IDO2: variants seen among roughly 807,000 people sequenced by gnomAD.
The protein encoded by IDO2 is indoleamine 2,3-dioxygenase 2.
A neutral mutation model predicts 45.1 loss-of-function variants in IDO2; 46 were observed. The ratio of observed to expected loss-of-function variants is 1.02; its 90% confidence interval spans 0.80 to 1.30. The LOEUF (loss-of-function observed/expected upper bound fraction) is 1.30, where lower values mean the gene tolerates loss of function less well. IDO2 is among the 50% of genes most tolerant of loss of function. The pLI is 0.00. For missense variants in IDO2, 544 were observed against 491.8 expected, an observed-to-expected ratio of 1.11 and a Z score of -1.00; for synonymous variants, 218 against 184.9, an observed-to-expected ratio of 1.18 and a Z score of -1.45.
At chr8:39,935,082 A>G (rs971275093) in exon 1 of IDO2, 5 of 919,978 alleles carry the variant, frequency 5.4e-6, no homozygotes, top group East Asian at 4.8e-5. Flanking sequence ...GGATTGGATT[A>G]GATTTGACAT....
chr8:39,969,535 T>G (rs938821360), intron 3 of IDO2, among the ~76,000 whole-genome samples: 8 of 152,162 alleles, frequency 5.3e-5, no homozygotes, highest in African/African-American at 1.4e-4. Flanking sequence ...TACAATGGCC[T>G]CTAAGTGTTC....
At chr8:39,985,571 A>C in intron 6 of IDO2, 49 bp downstream of exon 6, 1 of 1,455,456 alleles carries the variant, frequency 6.9e-7, no homozygotes, top group African/African-American at 1.4e-5. Context: ...GGCCAAATTT[A>C]AAATCTTACA....
intron 1 of IDO2, among the ~76,000 whole-genome samples, chr8:39,941,591 GAA>G (rs1247469750): frequency 1.3e-5 from 2 of 152,096 alleles, no homozygotes; most frequent in Non-Finnish European, 2.9e-5. Context: ...TTGGGAACAA[GAA>G]AAGTCAAGAT....
At chr8:40,005,359 A>G (rs1802204904) in exon 9 of IDO2, 1 of 1,582,028 alleles carries the variant, frequency 6.3e-7, no homozygotes, top group East Asian at 2.2e-5. Context: ...TTATGCAGGC[A>G]TCCGGATCTT....
At chr8:39,954,285 GAGGA>G (rs1302216119) in intron 2 of IDO2, among the ~76,000 whole-genome samples, 1 of 152,168 alleles carries the variant, frequency 6.6e-6, no homozygotes, top group Admixed American at 6.6e-5. Context: ...TCTCTGAGAT[GAGGA>G]CCCCCTATTC....
intron 1 of IDO2, among the ~76,000 whole-genome samples, chr8:39,941,221 C>CAAAAAAAAAAAAAAAAAAAAA: frequency 1.2e-5 from 1 of 80,586 alleles, no homozygotes; most frequent in Non-Finnish European, 2.1e-5. Flanking sequence ...GACTCCATCT[C>CAAAAAAAAAAAAAAAAAAAAA]AAAAAAAAAA....
chr8:39,971,626 G>A (rs1808181229), intron 3 of IDO2, among the ~76,000 whole-genome samples: 1 of 152,118 alleles, frequency 6.6e-6, no homozygotes, highest in South Asian at 2.1e-4. Context: ...GATTCATGGA[G>A]GACGTCAAAA....
chr8:39,937,996 G>A (rs574586724), intron 1 of IDO2, among the ~76,000 whole-genome samples: 3 of 152,276 alleles, frequency 2.0e-5, no homozygotes, highest in South Asian at 4.1e-4. Context: ...AATGTAAAAT[G>A]TGTATTTTAT....
At chr8:39,962,178 C>G (rs1489045938) in intron 2 of IDO2, among the ~76,000 whole-genome samples, 5 of 152,264 alleles carry the variant, frequency 3.3e-5, no homozygotes, top group African/African-American at 9.6e-5. Flanking sequence ...AAACCACAGG[C>G]CTAGAGTGGG....
chr8:39,990,894 T>C (rs1440870654), intron 8 of IDO2, among the ~76,000 whole-genome samples: 6 of 152,228 alleles, frequency 3.9e-5, no homozygotes. Context: ...GCTCTTCAAA[T>C]TCTTCTCTCA....
intron 3 of IDO2, among the ~76,000 whole-genome samples, chr8:39,968,618 C>A (rs533481698): frequency 7.9e-5 from 12 of 152,068 alleles, no homozygotes; most frequent in African/African-American, 2.4e-4. Flanking sequence ...GAACAGAACA[C>A]CAAACACCGC....
exon 10 of IDO2, chr8:40,013,658 C>T: frequency 1.2e-6 from 2 of 1,613,858 alleles, no homozygotes; most frequent in African/African-American, 1.3e-5. Flanking sequence ...CAGCTCAGAG[C>T]ACAGTGCTTC....
At chr8:39,995,245 C>CTTCTTCTTCTTCTTCTTCTTCTTCTTCTT (rs1563438285) in intron 8 of IDO2, 1 of 68,750 alleles carries the variant, frequency 1.5e-5, no homozygotes, top group Non-Finnish European at 3.2e-5. Flanking sequence ...TTCTCCTTCT[C>CTTCTTCTTCTTCTTCTTCTTCTTCTTCTT]CTTCTCCTTC....
At chr8:39,970,764 CTTTTTTTTTT>C (rs766122277) in intron 3 of IDO2, among the ~76,000 whole-genome samples, 1 of 112,446 alleles carries the variant, frequency 8.9e-6, no homozygotes, top group Non-Finnish European at 1.8e-5. Context: ...CCAACCAGGA[CTTTTTTTTTT>C]TTTTTTTTTT....
chr8:39,939,242 C>CAAAAAAAA (rs57921420), intron 1 of IDO2, among the ~76,000 whole-genome samples: 1 of 117,600 alleles, frequency 8.5e-6, no homozygotes, highest in Non-Finnish European at 1.8e-5. Context: ...GACTCCATCT[C>CAAAAAAAA]AAAAAAAAAA....
chr8:39,947,070 C>T (rs1003169586), intron 1 of IDO2, among the ~76,000 whole-genome samples: 8 of 149,780 alleles, frequency 5.3e-5, no homozygotes, highest in Non-Finnish European at 1.2e-4. Context: ...GCAGGATAAT[C>T]GCTCGAACCT....
chr8:39,938,812 A>T (rs1464250208), intron 1 of IDO2, among the ~76,000 whole-genome samples: 1 of 152,260 alleles, frequency 6.6e-6, no homozygotes, highest in Admixed American at 6.5e-5. Flanking sequence ...GAAGAAACAC[A>T]GTGGCAAGCA....
At chr8:40,011,268 G>A (rs1191728629) in intron 9 of IDO2, among the ~76,000 whole-genome samples, 1 of 152,212 alleles carries the variant, frequency 6.6e-6, no homozygotes, top group African/African-American at 2.4e-5. Context: ...GGAATTGAGA[G>A]CAGTGAGCAG....
At chr8:39,982,920 G>A (rs1298464735) in intron 5 of IDO2, 150 bp downstream of exon 5, 1 of 555,976 alleles carries the variant, frequency 1.8e-6, no homozygotes, top group Non-Finnish European at 3.2e-6. Context: ...AATATCACAG[G>A]CCCCAGAAGT....
Sources: gnomAD v4.1 joint callset for allele counts (sites outside exome capture counted in the v4.1 genomes callset) on GRCh38, gnomAD v4.1.1 for gene constraint, MANE v1.5 for transcripts, NCBI Gene and HGNC (gene_info 2026-07-23, HGNC 2026-07-21) for gene names.